Variants in CYP19A1 observed in about 807,000 individuals in gnomAD.
CYP19A1 encodes cytochrome P450 family 19 subfamily A member 1.
CYP19A1 carries 32 observed loss-of-function variants against 44.4 expected under a neutral mutation model. The ratio of observed to expected loss-of-function variants is 0.72; its 90% CI spans 0.54 to 0.97. The LOEUF is 0.97. Ranked by LOEUF, CYP19A1 falls within the 50% of genes least tolerant of loss-of-function variation. The pLI is 0.00. For synonymous variants in CYP19A1, 212 were observed against 215.6 expected, an observed-to-expected ratio of 0.98 and a Z score of 0.14; for missense variants, 598 against 637.8, an observed-to-expected ratio of 0.94 and a Z score of 0.67.
chr15:51,334,191 G>C (rs1460459082), intron 1 of CYP19A1, among the ~76,000 whole-genome samples: 2 of 152,064 alleles, frequency 1.3e-5, no homozygotes, highest in East Asian at 3.9e-4. Context: ...TTCACTTCCT[G>C]TCCATCATTT....
chr15:51,227,446 C>T (rs1371052010), intron 4 of CYP19A1, among the ~76,000 whole-genome samples: 1 of 152,062 alleles, frequency 6.6e-6, no homozygotes, highest in Admixed American at 6.5e-5. Flanking sequence ...GCAGGTCAAT[C>T]GTTTGACTCC....
At chr15:51,271,082 G>A (rs1477590168) in intron 1 of CYP19A1, among the ~76,000 whole-genome samples, 1 of 151,826 alleles carries the variant, frequency 6.6e-6, no homozygotes, top group Non-Finnish European at 1.5e-5. Context: ...TGCAGAGAAC[G>A]TCTCCTTGGA....
intron 1 of CYP19A1, chr15:51,279,100 C>T (rs1369436248): frequency 1.3e-5 from 2 of 152,202 alleles, no homozygotes; most frequent in Non-Finnish European, 2.9e-5. Flanking sequence ...CTACCTCCTC[C>T]ATTCTTCAAG....
chr15:51,237,121 G>GTATATC lies in CYP19A1; in HGVS notation c.146-118_146-113dup, dbSNP rs758210462. The GTATATC allele has an allele frequency of 3.8e-4, 454 of 1,179,244 alleles. 3 individuals carry two copies. In the Middle Eastern group the frequency reaches 0.011, roughly 29 times the overall value. 73.0% of individuals were successfully genotyped at this position (1,179,244 alleles called of 1,614,324 possible). On this transcript the variant is annotated intron_variant, in intron 2 of 9. Coordinates refer to ENST00000396402, the MANE Select transcript of CYP19A1 (RefSeq NM_000103.4). ...TAGCTAAGTGTTCTTTACATGTGAT[G>GTATATC]TATATCTGTGAATCACGAATAAAGT...
intron 1 of CYP19A1, among the ~76,000 whole-genome samples, chr15:51,290,934 T>C (rs1595762015): frequency 6.6e-6 from 1 of 152,248 alleles, no homozygotes; most frequent in East Asian, 1.9e-4. Flanking sequence ...CAAGTACAGG[T>C]GAAGCCCCAT....
At chr15:51,221,285 T>G (rs1288469685) in intron 5 of CYP19A1, 1 of 152,208 alleles carries the variant, frequency 6.6e-6, no homozygotes, top group Non-Finnish European at 1.5e-5. Flanking sequence ...GTACATGTAT[T>G]ACTACCTTAT....
chr15:51,248,267 C>A (rs2034153157), intron 1 of CYP19A1, among the ~76,000 whole-genome samples: 1 of 152,176 alleles, frequency 6.6e-6, no homozygotes, highest in Non-Finnish European at 1.5e-5. Flanking sequence ...CTCCATGAGC[C>A]CAGTGGAGAC....
At chr15:51,331,721 G>T (rs951514282) in intron 1 of CYP19A1, among the ~76,000 whole-genome samples, 4 of 152,102 alleles carry the variant, frequency 2.6e-5, no homozygotes, top group Non-Finnish European at 1.5e-5. Context: ...ACACATACTG[G>T]TTAGTGACTT....
intron 4 of CYP19A1, among the ~76,000 whole-genome samples, chr15:51,224,869 C>T (rs1439990968): frequency 6.6e-6 from 1 of 152,186 alleles, no homozygotes; most frequent in Non-Finnish European, 1.5e-5. Context: ...AAGGACTTAC[C>T]GACAGGGCCC....
chr15:51,330,006 T>A (rs1159131466), intron 1 of CYP19A1, among the ~76,000 whole-genome samples: 1 of 152,076 alleles, frequency 6.6e-6, no homozygotes, highest in Non-Finnish European at 1.5e-5. Flanking sequence ...CAGATGTGTG[T>A]TTTAAAGAAT....
At position 51,208,849 on chromosome 15, in the gene CYP19A1, C is replaced by G. The variant is rs1484679781; in HGVS notation, c.*1959G>C. On this transcript the variant is annotated 3_prime_UTR_variant, in exon 10 of 10. Transcript: ENST00000396402. ...ACAGCTATATCAAACATGCATTTCA[C>G]TTTGACTGTGTAGACATAGACATTG... 1 of 149,918 alleles carries G rather than the reference C, an allele frequency of 6.7e-6. No individual in the cohort carries two copies. Among genetic ancestry groups the G allele is most frequent in the Non-Finnish European group, 1.5e-5 (1 of 67,822 alleles). 9.3% of individuals were successfully genotyped at this position (149,918 alleles called of 1,614,324 possible). A position where few individuals can be genotyped will look rare whatever the true frequency, so the allele number is the denominator to read the frequency against.
chr15:51,335,696 G>C (rs1281566661), intron 1 of CYP19A1, among the ~76,000 whole-genome samples: 1 of 152,214 alleles, frequency 6.6e-6, no homozygotes, highest in Non-Finnish European at 1.5e-5. Flanking sequence ...GCCACTGCAA[G>C]TCTTGGCAGT....
chr15:51,265,917 T>G (rs912681381), intron 1 of CYP19A1, among the ~76,000 whole-genome samples: 24 of 152,240 alleles, frequency 1.6e-4, no homozygotes, highest in African/African-American at 5.3e-4. Flanking sequence ...GGATGCCCAC[T>G]GAGCCAGTCA....
chr15:51,270,529 C>T (rs2035086055), intron 1 of CYP19A1, among the ~76,000 whole-genome samples: 1 of 152,186 alleles, frequency 6.6e-6, no homozygotes, highest in Admixed American at 6.5e-5. Flanking sequence ...ACAGTATAAC[C>T]AGCCACTGTT....
intron 1 of CYP19A1, among the ~76,000 whole-genome samples, chr15:51,268,443 G>A (rs1326338521): frequency 6.6e-6 from 1 of 151,592 alleles, no homozygotes; most frequent in Non-Finnish European, 1.5e-5. Flanking sequence ...CCTTAACATT[G>A]CTGAGCAGTA....
intron 3 of CYP19A1, among the ~76,000 whole-genome samples, chr15:51,229,218 T>C (rs1039361140): frequency 1.3e-5 from 2 of 151,962 alleles, no homozygotes; most frequent in African/African-American, 2.4e-5. Context: ...AGAACAGGAT[T>C]ATTATTGTAT....
chr15:51,293,117 G>C (rs757295887), intron 1 of CYP19A1, among the ~76,000 whole-genome samples: 1 of 152,082 alleles, frequency 6.6e-6, no homozygotes, highest in Non-Finnish European at 1.5e-5. Context: ...TGGGGGAAAG[G>C]GTGGGAGGGG....
At chr15:51,249,965 T>G (rs11632036) in intron 1 of CYP19A1, among the ~76,000 whole-genome samples, 56,668 of 152,094 alleles carry the variant, frequency 0.37, 12,500 homozygotes, top group Non-Finnish European at 0.5. Context: ...ACATTCTTCT[T>G]CTGGAGCAGG....
At chr15:51,282,682 C>T (rs985887436) in intron 1 of CYP19A1, among the ~76,000 whole-genome samples, 5 of 152,178 alleles carry the variant, frequency 3.3e-5, no homozygotes, top group Non-Finnish European at 7.3e-5. Context: ...ATCTGATCAC[C>T]CCAACATTCC....
Sources: gnomAD v4.1 joint callset for allele counts (sites outside exome capture counted in the v4.1 genomes callset) on GRCh38, gnomAD v4.1.1 for gene constraint, MANE v1.5 for transcripts, NCBI Gene and HGNC (gene_info 2026-07-23, HGNC 2026-07-21) for gene names.